AP3B1: variants seen among roughly 807,000 people sequenced by gnomAD.
AP3B1 encodes the protein AP-3 complex subunit beta-1.
AP3B1 carries 61 observed loss-of-function variants against 132.5 expected under a neutral mutation model. The ratio of observed to expected loss-of-function variants is 0.46; its 90% CI spans 0.37 to 0.57. The LOEUF is 0.57. Among genes scored for constraint, AP3B1 ranks in the 20% least tolerant of loss-of-function variants. AP3B1 has a pLI of 0.00. For synonymous variants in AP3B1, 388 were observed against 438.3 expected (o/e 0.89, Z 1.43); for missense variants, 1,120 against 1,289.4 (o/e 0.87, Z 2.01).
At chr5:78,214,889 C>T (rs1745893234) in intron 7 of AP3B1, among the ~76,000 whole-genome samples, 1 of 152,026 alleles carries the variant, frequency 6.6e-6, no homozygotes, top group Non-Finnish European at 1.5e-5. Flanking sequence ...AAACATACTT[C>T]AATTTTTAAG....
chr5:78,021,165 G>T (rs1344669419), intron 24 of AP3B1, among the ~76,000 whole-genome samples: 1 of 151,780 alleles, frequency 6.6e-6, no homozygotes, highest in Admixed American at 6.6e-5. Flanking sequence ...AAGTATAGAA[G>T]ATGAAATGCT....
chr5:78,095,821 C>T (rs973031307), intron 21 of AP3B1, among the ~76,000 whole-genome samples: 1 of 152,190 alleles, frequency 6.6e-6, no homozygotes, highest in Non-Finnish European at 1.5e-5. Flanking sequence ...TTTCAAGTGT[C>T]GTTTCTGACA....
intron 21 of AP3B1, among the ~76,000 whole-genome samples, chr5:78,097,081 C>T (rs1480307737): frequency 8.8e-6 from 1 of 113,728 alleles, no homozygotes; most frequent in Non-Finnish European, 1.9e-5. Context: ...GCCCCCCGCC[C>T]GGCCAGCCGC....
At chr5:78,283,418 C>A (rs1455732094) in intron 1 of AP3B1, among the ~76,000 whole-genome samples, 1 of 152,150 alleles carries the variant, frequency 6.6e-6, no homozygotes, top group Non-Finnish European at 1.5e-5. Flanking sequence ...CTTGTACAAT[C>A]AACTTTCATG....
At chr5:78,037,832 G>GT (rs1003845294) in intron 23 of AP3B1, among the ~76,000 whole-genome samples, 2 of 152,144 alleles carry the variant, frequency 1.3e-5, no homozygotes, top group Admixed American at 6.6e-5. Flanking sequence ...TTTAATTGAG[G>GT]TTTTGCCTGA....
intron 2 of AP3B1, among the ~76,000 whole-genome samples, chr5:78,253,694 C>T (rs553626281): frequency 5.3e-5 from 8 of 152,188 alleles, no homozygotes; most frequent in East Asian, 3.9e-4. Context: ...AGGCCAGGCG[C>T]GGTGGCTCAC....
intron 2 of AP3B1, among the ~76,000 whole-genome samples, chr5:78,254,767 T>G (rs975707439): frequency 2.6e-5 from 4 of 152,066 alleles, no homozygotes; most frequent in African/African-American, 9.7e-5. Context: ...CAAAACTAAC[T>G]GGTAATAGTA....
At chr5:78,208,404 A>C (rs1163351563) in intron 7 of AP3B1, among the ~76,000 whole-genome samples, 1 of 152,188 alleles carries the variant, frequency 6.6e-6, no homozygotes, top group African/African-American at 2.4e-5. Context: ...GCCCACCCCC[A>C]GAATATAGTT....
intron 3 of AP3B1, among the ~76,000 whole-genome samples, chr5:78,238,909 T>A (rs1746994538): frequency 6.7e-6 from 1 of 149,778 alleles, no homozygotes; most frequent in East Asian, 2.0e-4. Context: ...AGGCTGCAAC[T>A]ATACGCTGTC....
intron 22 of AP3B1, among the ~76,000 whole-genome samples, chr5:78,078,381 C>G (rs1749848809): frequency 6.6e-6 from 1 of 152,182 alleles, no homozygotes; most frequent in South Asian, 2.1e-4. Context: ...GATCTGATCA[C>G]TATCAATAAC....
At chr5:78,139,157 CAAAGA>C (rs1005517856) in intron 15 of AP3B1, among the ~76,000 whole-genome samples, 2 of 151,690 alleles carry the variant, frequency 1.3e-5, no homozygotes, top group African/African-American at 2.4e-5. Context: ...TTCACAGCTA[CAAAGA>C]AAAGAGCCAA....
chr5:78,025,879 C>T (rs568009978), intron 24 of AP3B1, among the ~76,000 whole-genome samples: 1 of 152,266 alleles, frequency 6.6e-6, no homozygotes, highest in South Asian at 2.1e-4. Context: ...ACATAACTCA[C>T]TTTGTAAGCC....
intron 14 of AP3B1, among the ~76,000 whole-genome samples, chr5:78,153,725 C>T (rs769093632): frequency 2.0e-5 from 3 of 151,914 alleles, no homozygotes; most frequent in Non-Finnish European, 2.9e-5. Flanking sequence ...ATCCACTTTA[C>T]GTTTTTAGAT....
At chr5:78,140,698 T>C (rs936978326) in intron 15 of AP3B1, among the ~76,000 whole-genome samples, 3 of 152,192 alleles carry the variant, frequency 2.0e-5, no homozygotes, top group Admixed American at 1.3e-4. Context: ...ATATAAACTT[T>C]CAGACCATTG....
intron 15 of AP3B1, among the ~76,000 whole-genome samples, chr5:78,131,673 G>C (rs149350480): frequency 1.7e-3 from 265 of 152,130 alleles, no homozygotes; most frequent in South Asian, 7.7e-3. Context: ...AAAAACAGGT[G>C]CTCCATCAAA....
chr5:78,087,617 G>A (rs1750319123), intron 22 of AP3B1: 4 of 985,328 alleles, frequency 4.1e-6, no homozygotes, highest in Non-Finnish European at 4.8e-6. Context: ...ACTCAGCCGT[G>A]TCAACTGGCG....
intron 13 of AP3B1, among the ~76,000 whole-genome samples, chr5:78,161,674 G>C (rs1353805802): frequency 2.0e-5 from 3 of 151,918 alleles, no homozygotes. Flanking sequence ...CTATCGTCTT[G>C]ATAATTTTGG....
chr5:78,009,922 C>T (rs1378827080), intron 26 of AP3B1, among the ~76,000 whole-genome samples: 1 of 152,118 alleles, frequency 6.6e-6, no homozygotes, highest in African/African-American at 2.4e-5. Flanking sequence ...TCAAATATCA[C>T]CTTTTCTCCT....
intron 17 of AP3B1, among the ~76,000 whole-genome samples, chr5:78,119,077 C>G (rs1034331494): frequency 6.6e-6 from 1 of 152,244 alleles, no homozygotes; most frequent in Admixed American, 6.5e-5. Context: ...ACCCAGGCAA[C>G]AGGGTCTGGA....
Sources: gnomAD v4.1 joint callset for allele counts (sites outside exome capture counted in the v4.1 genomes callset) on GRCh38, gnomAD v4.1.1 for gene constraint, MANE v1.5 for transcripts, NCBI Gene and HGNC (gene_info 2026-07-23, HGNC 2026-07-21) for gene names.